The following FMN2 variants were observed in gnomAD, a reference collection of about 807,000 sequenced individuals.
FMN2 encodes formin-2.
Under a neutral mutation model 142.3 loss-of-function variants are expected in FMN2, and 51 were observed. The observed-to-expected ratio is 0.36, with a 90% confidence interval of 0.29 to 0.45. The LOEUF (loss-of-function observed/expected upper bound fraction) is 0.45. Among genes scored for constraint, FMN2 ranks in the 20% least tolerant of loss-of-function variants. The pLI is 1.00. For missense variants in FMN2, 1,936 were observed against 2,122.8 expected (o/e 0.91, Z 1.73); for synonymous variants, 882 against 869.8 (o/e 1.01, Z -0.25).
At chr1:240,340,093 T>A (rs1671697588) in intron 13 of FMN2, among the ~76,000 whole-genome samples, 1 of 152,178 alleles carries the variant, frequency 6.6e-6, no homozygotes. Flanking sequence ...TTGAACTCCT[T>A]CTACTTTCTT....
At chr1:240,304,615 C>T (rs983833355) in intron 8 of FMN2, among the ~76,000 whole-genome samples, 1 of 152,178 alleles carries the variant, frequency 6.6e-6, no homozygotes, top group African/African-American at 2.4e-5. Flanking sequence ...TCACTTCAAC[C>T]AGATAAGGAG....
At chr1:240,361,184 T>TATATATATAA (rs1234608765) in intron 14 of FMN2, among the ~76,000 whole-genome samples, 3 of 102,752 alleles carry the variant, frequency 2.9e-5, no homozygotes, top group East Asian at 2.5e-4. Flanking sequence ...TATATATATA[T>TATATATATAA]AAAAGAGTTT....
intron 8 of FMN2, among the ~76,000 whole-genome samples, chr1:240,324,694 AGG>A (rs1475723226): frequency 9.6e-6 from 1 of 104,432 alleles, no homozygotes; most frequent in African/African-American, 3.4e-5. Flanking sequence ...AGAGAGAGAG[AGG>A]GAGGGAGGGA....
chr1:240,316,988 G>T (rs569299869), intron 8 of FMN2, among the ~76,000 whole-genome samples: 15 of 152,232 alleles, frequency 9.9e-5, no homozygotes, highest in African/African-American at 3.1e-4. Context: ...GTCACATGTT[G>T]ATTCCTATAA....
chr1:240,271,098 GTTT>G lies in FMN2; in HGVS notation c.4153+13083_4153+13085del, dbSNP rs56686860. The stretch of plus-strand genomic sequence containing the variant: ...ACCCCCCTAGGAACTTTCCACGATG[GTTT>G]TTTTTTTTTTTTTTTTGTGACTCTG... On this transcript the variant is annotated intron_variant, in intron 7 of 17. Transcript: ENST00000319653. Among the ~76,000 whole-genome samples the G allele has an allele frequency of 4.2e-5, 3 of 72,244 alleles. 1 individual carries two copies. The highest frequency in any genetic ancestry group is 9.3e-4 in the East Asian group (2 of 2,140). The allele number at this position is 72,244 out of a possible 152,430, so 47.4% of individuals were successfully genotyped here.
intron 15 of FMN2, among the ~76,000 whole-genome samples, chr1:240,420,031 G>A (rs1023198396): frequency 2.0e-5 from 3 of 152,012 alleles, no homozygotes; most frequent in Non-Finnish European, 4.4e-5. Context: ...TGTGGTACCC[G>A]GGCTTCTGGT....
intron 15 of FMN2, among the ~76,000 whole-genome samples, chr1:240,424,117 G>A (rs1316366290): frequency 6.6e-6 from 1 of 152,168 alleles, no homozygotes; most frequent in African/African-American, 2.4e-5. Flanking sequence ...TGTTAAACAG[G>A]TGGCAGGAAG....
At chr1:240,227,397 C>G (rs991191958) in intron 6 of FMN2, among the ~76,000 whole-genome samples, 1 of 151,630 alleles carries the variant, frequency 6.6e-6, no homozygotes, top group Non-Finnish European at 1.5e-5. Flanking sequence ...AACACAGTGT[C>G]TAGCAACATC....
chr1:240,184,281 G>A (rs1366160135), intron 3 of FMN2, among the ~76,000 whole-genome samples: 1 of 119,036 alleles, frequency 8.4e-6, no homozygotes, highest in Non-Finnish European at 1.6e-5. Context: ...CTGTCGCCCA[G>A]GCTGGAGTGC....
chr1:240,295,200 A>ACACG (rs1491066298), intron 8 of FMN2, among the ~76,000 whole-genome samples: 64 of 93,444 alleles, frequency 6.8e-4, no homozygotes, highest in African/African-American at 1.3e-3. Context: ...ACACACACAC[A>ACACG]CACACACACA....
At chr1:240,391,468 G>C (rs932858806) in intron 14 of FMN2, among the ~76,000 whole-genome samples, 4 of 152,080 alleles carry the variant, frequency 2.6e-5, no homozygotes, top group Admixed American at 1.3e-4. Context: ...CTGCTCCACT[G>C]TGTCTCCTAA....
intron 15 of FMN2, among the ~76,000 whole-genome samples, chr1:240,407,017 T>G (rs1399222765): frequency 6.6e-6 from 1 of 152,236 alleles, no homozygotes; most frequent in African/African-American, 2.4e-5. Context: ...TACTCCGGCA[T>G]GCATCACATG....
rs1188239414 is a variant in FMN2, at chr1:240,295,222, A to ACACACACACACT, written c.4215+342_4215+343insACACACACTCAC. Among the ~76,000 whole-genome samples the ACACACACACACT allele has an allele frequency of 2.5e-3, 374 of 147,582 alleles. 2 individuals carry two copies. The highest frequency in any genetic ancestry group is 8.6e-3 in the African/African-American group (348 of 40,248). On this transcript the variant is annotated intron_variant, in intron 8 of 17. Transcript: ENST00000319653. ...CACACACACACACACACACACACAC[A>ACACACACACACT]CACTCACACACACTTAAAATTTTAA...
intron 8 of FMN2, among the ~76,000 whole-genome samples, chr1:240,310,998 C>A (rs1243733808): frequency 2.0e-5 from 3 of 151,692 alleles, no homozygotes; most frequent in African/African-American, 4.8e-5. Context: ...AGCAGTTCAA[C>A]TGAAGAAAAA....
intron 15 of FMN2, among the ~76,000 whole-genome samples, chr1:240,397,785 C>CA (rs35826717): frequency 0.063 from 2,903 of 46,098 alleles, 246 homozygotes; most frequent in African/African-American, 0.15. Flanking sequence ...GACTCCTTCT[C>CA]AAAAAAAAAA....
At chr1:240,387,712 G>C (rs1673450846) in intron 14 of FMN2, among the ~76,000 whole-genome samples, 1 of 152,120 alleles carries the variant, frequency 6.6e-6, no homozygotes, top group Admixed American at 6.5e-5. Context: ...TCTGGATTCT[G>C]TATAGAAAAA....
chr1:240,147,151 A>C (rs1400899714), intron 2 of FMN2, among the ~76,000 whole-genome samples: 3 of 152,182 alleles, frequency 2.0e-5, no homozygotes, highest in Non-Finnish European at 2.9e-5. Flanking sequence ...CACTGTGCTA[A>C]GTACTTAACA....
At chr1:240,414,400 G>A (rs530116322) in intron 15 of FMN2, among the ~76,000 whole-genome samples, 2 of 152,318 alleles carry the variant, frequency 1.3e-5, no homozygotes, top group East Asian at 3.9e-4. Flanking sequence ...GAGTGCGGTA[G>A]CACAGAGCCG....
intron 2 of FMN2, among the ~76,000 whole-genome samples, chr1:240,158,601 C>T (rs960963239): frequency 1.3e-5 from 2 of 152,104 alleles, no homozygotes; most frequent in Non-Finnish European, 2.9e-5. Flanking sequence ...TGCATCTCCC[C>T]CCCACCACGC....
Sources: gnomAD v4.1 joint callset for allele counts (sites outside exome capture counted in the v4.1 genomes callset) on GRCh38, gnomAD v4.1.1 for gene constraint, MANE v1.5 for transcripts, NCBI Gene and HGNC (gene_info 2026-07-23, HGNC 2026-07-21) for gene names.